Variants in PRRC2B observed in about 807,000 individuals in gnomAD.
PRRC2B encodes the protein proline rich coiled-coil 2B.
In PRRC2B, 68 loss-of-function variants were observed where a neutral mutation model predicts 242.3. That is an observed-to-expected ratio of 0.28 (90% CI 0.23 to 0.34). The LOEUF (loss-of-function observed/expected upper bound fraction) is 0.34, where lower values mean the gene tolerates loss of function less well. Ranked by LOEUF, PRRC2B falls within the 10% of genes least tolerant of loss-of-function variation. The pLI is 1.00. For missense variants in PRRC2B, 2,835 were observed against 2,954.8 expected (o/e 0.96, Z 0.94); for synonymous variants, 1,228 against 1,173.6 (o/e 1.05, Z -0.95).
intron 5 of PRRC2B, among the ~76,000 whole-genome samples, chr9:131,440,401 T>C (rs2131340945): frequency 6.6e-6 from 1 of 152,224 alleles, no homozygotes; most frequent in African/African-American, 2.4e-5. Flanking sequence ...TCCATAAGGT[T>C]AGAATTTTTA....
intron 30 of PRRC2B, among the ~76,000 whole-genome samples, chr9:131,493,657 T>C (rs1944254674): frequency 6.6e-6 from 1 of 152,244 alleles, no homozygotes; most frequent in African/African-American, 2.4e-5. Flanking sequence ...GAAATTGCTA[T>C]AATTGTATAA....
At chr9:131,381,417 C>CT (rs34806343) in intron 1 of PRRC2B, among the ~76,000 whole-genome samples, 90 of 102,420 alleles carry the variant, frequency 8.8e-4, no homozygotes, top group Middle Eastern at 4.9e-3. Flanking sequence ...AGTTCTGGTT[C>CT]TTTTTTTTTT....
At position 131,487,921 on chromosome 9, in the gene PRRC2B, C is replaced by G; in HGVS notation, c.6050C>G (p.Ala2017Gly). 6.2e-7 allele frequency: 1 copy of G among 1,613,982 alleles called. No homozygotes were observed. Among genetic ancestry groups the G allele is most frequent in the Non-Finnish European group, 8.5e-7 (1 of 1,179,858 alleles). ...PSTMILSGGT[A>G]LKPPYSAFPG... Reference sequence around the variant, plus strand: ...ACCATGATCCTCTCTGGGGGCACAGCCTTGAAGCCTCCATACTCGGCGTTC... The same window carrying G: ...ACCATGATCCTCTCTGGGGGCACAGGCTTGAAGCCTCCATACTCGGCGTTC... The change falls in exon 28 of 32, where the codon GCC (alanine) becomes GGC (glycine). Residue 2017 changes from alanine (A) to glycine (G), a missense_variant. By Grantham distance (60) the Ala-to-Gly change is moderately conservative. Coordinates refer to ENST00000683519, the MANE Select transcript of PRRC2B (RefSeq NM_013318.4). This position sits in a 1 kb window ranked among gnomAD's most constrained non-coding sequence, Gnocchi z 5.3.
Position 131,455,078 on chromosome 9 carries a change from C to T in PRRC2B, c.1123C>T (p.Leu375Phe). ...DADADDGWAG[L>F]HEEVDYSEKL... The stretch of plus-strand genomic sequence containing the variant: ...CCTGGGCCCTCCTGCTGTTGTAGGC[C>T]TCCATGAAGAAGTGGACTATTCTGA... The change falls in exon 10 of 32, where the codon CTC (leucine) becomes TTC (phenylalanine). Residue 375 changes from leucine (L) to phenylalanine (F), a missense_variant and splice_region_variant. Physicochemically the swap from Leu to Phe is conservative, Grantham distance 22 (BLOSUM62 0). Around this residue, in one of 7 missense-constraint regions of PRRC2B, gnomAD observed 626 missense variants for 685.5 expected, o/e 0.91. Transcript: ENST00000683519. 1 of 1,612,212 alleles carries T rather than the reference C, an allele frequency of 6.2e-7. No homozygotes were observed. The highest frequency in any genetic ancestry group is 8.5e-7 in the Non-Finnish European group (1 of 1,178,670).
At position 131,491,514 on chromosome 9, in the gene PRRC2B, C is replaced by G. The variant is rs183938437; in HGVS notation, c.6315C>G (p.Ser2105=). The change falls in exon 29 of 32, where the codon TCC becomes TCG. Residue 2105 remains serine (S), a synonymous_variant. Transcript: ENST00000683519. ...SIQLPPGQSL[S]VGAPRRIPPP... The stretch of plus-strand genomic sequence containing the variant: ...AGCTGCCACCTGGGCAGAGCCTCTC[C>G]GTTGGGGCCCCCCGAAGGATTCCTC... The G allele has an allele frequency of 6.2e-7, 1 of 1,612,490 alleles. No individual in the cohort carries two copies. The highest frequency in any genetic ancestry group is 8.5e-7 in the Non-Finnish European group (1 of 1,179,626).
Position 131,384,083 on chromosome 9 carries a change from ATTT to A in PRRC2B, c.-56+10373_-56+10375del, listed in dbSNP as rs111724850. ...CAGGCACGTACCACCATACCCGGCT[ATTT>A]TTTTTTTTTTTTTTTTTTTTGGAGA... On this transcript the variant is annotated intron_variant, in intron 1 of 1. Coordinates refer to the PRRC2B transcript ENST00000682525. 2.4e-4 allele frequency among the ~76,000 whole-genome samples: 14 copies of A among 58,988 alleles called. 1 individual carries two copies. The highest frequency in any genetic ancestry group is 7.3e-4 in the Admixed American group (3 of 4,134). 38.7% of individuals were successfully genotyped at this position (58,988 alleles called of 152,430 possible). A position where few individuals can be genotyped will look rare whatever the true frequency, so the allele number is the denominator to read the frequency against.
At position 131,475,854 on chromosome 9, in the gene PRRC2B, C is replaced by A; in HGVS notation, c.3725C>A (p.Ser1242Tyr). 6.2e-7 allele frequency: 1 copy of A among 1,613,712 alleles called. No homozygotes were observed. The highest frequency in any genetic ancestry group is 8.5e-7 in the Non-Finnish European group (1 of 1,179,690). Reference sequence around the variant, plus strand: ...AGCTCTTGGCAGGAATATGGCCCTTCCGACACATGCGGATCCCGGCGACCT... The same window carrying A: ...AGCTCTTGGCAGGAATATGGCCCTTACGACACATGCGGATCCCGGCGACCT... ...PGSSWQEYGPSDTCGSRRPTD... is the reference protein window; with the variant it reads ...PGSSWQEYGPYDTCGSRRPTD... Residue 1242 changes from serine to tyrosine, a missense_variant, in exon 16 of 32, where the codon TCC (serine) becomes TAC (tyrosine). This residue lies in a region of PRRC2B where 1,536 missense variants were observed against 1,483.1 expected (regional missense o/e 1.04). Coordinates refer to ENST00000683519, the MANE Select transcript of PRRC2B (RefSeq NM_013318.4).
chr9:131,375,428 G>A (rs1836672008), intron 1 of PRRC2B, among the ~76,000 whole-genome samples: 1 of 151,830 alleles, frequency 6.6e-6, no homozygotes. Flanking sequence ...AAAAAATAAG[G>A]GCATTAACAG....
chr9:131,447,319 T>C, intron 8 of PRRC2B, 113 bp downstream of exon 8: 1 of 1,354,148 alleles, frequency 7.4e-7, no homozygotes, highest in Non-Finnish European at 1.0e-6. Flanking sequence ...CACAGAGAAC[T>C]TAACCAGCTC....
rs901820379 is a variant in PRRC2B, at chr9:131,479,354, A to T, written c.4861A>T (p.Ser1621Cys). 6.2e-7 allele frequency: 1 copy of T among 1,613,812 alleles called. No homozygotes were observed. The highest frequency in any genetic ancestry group is 8.5e-7 in the Non-Finnish European group (1 of 1,179,864). The change falls in exon 19 of 32, where the codon AGC becomes TGC. Residue 1621 changes from serine to cysteine, a missense_variant. Around this residue, in one of 7 missense-constraint regions of PRRC2B, gnomAD observed 1,536 missense variants for 1,483.1 expected, o/e 1.04. Transcript: ENST00000683519. The part of the protein sequence containing the change: ...LEQGDVTVPG[S>C]SLGTEIWESS... ...GCAAGGTGACGTGACCGTGCCTGGC[A>T]GCAGCCTGGGCACTGAGATCTGGGA...
chr9:131,438,924 A>G (rs1025186477), intron 4 of PRRC2B, 65 bp from the exon 5 acceptor site: 1 of 1,284,536 alleles, frequency 7.8e-7, no homozygotes, highest in African/African-American at 1.5e-5. Flanking sequence ...CCTTGTTGTA[A>G]TAGGCTGTTA....
upstream of PRRC2B, among the ~76,000 whole-genome samples, chr9:131,390,265 G>A (rs375266150): frequency 1.5e-4 from 23 of 149,978 alleles, 2 homozygotes; most frequent in East Asian, 4.4e-3. Context: ...TCAACAGCAT[G>A]GCCCCAGAGC....
rs1028382094 is a variant in PRRC2B at position 131,387,104 on chromosome 9, C to G, written c.-56+13373C>G. On this transcript the variant is annotated intron_variant, in intron 1 of 1. Transcript: ENST00000682525. ...GCCACCTCAGCCTTCCGGGTTCAAG[C>G]GATTCTTCTGCCTCATCCTCCCAAG... Among the ~76,000 whole-genome samples the G allele has an allele frequency of 2.8e-4, 42 of 150,050 alleles. 1 individual carries two copies. Among genetic ancestry groups the G allele is most frequent in the Non-Finnish European group, 3.0e-4 (20 of 67,542 alleles).
intron 1 of PRRC2B, among the ~76,000 whole-genome samples, chr9:131,410,818 T>A (rs760189291): frequency 6.6e-6 from 1 of 152,218 alleles, no homozygotes; most frequent in African/African-American, 2.4e-5. Flanking sequence ...TCCCTAGCTC[T>A]CTTTAGGCTT....
At chr9:131,465,722 G>A (rs1476375279) in intron 12 of PRRC2B, among the ~76,000 whole-genome samples, 1 of 152,148 alleles carries the variant, frequency 6.6e-6, no homozygotes, top group African/African-American at 2.4e-5. Flanking sequence ...TAAAAGGAAT[G>A]GATCACATGG....
At position 131,475,534 on chromosome 9, in the gene PRRC2B, T is replaced by C. The variant is rs373782819; in HGVS notation, c.3405T>C (p.His1135=). 7.4e-6 allele frequency: 12 copies of C among 1,612,088 alleles called. No individual in the cohort carries two copies. The African/African-American group carries it at 1.6e-4, about 22-fold the overall frequency. ...KPRRRVASET[H]SEGSEYEELP... ...GACGGAGAGTTGCCAGTGAGACCCA[T>C]AGCGAGGGCTCAGAGTATGAAGAAC... The change falls in exon 16 of 32, where the codon CAT becomes CAC. Residue 1135 remains histidine (H), a synonymous_variant. Coordinates refer to ENST00000683519, the MANE Select transcript of PRRC2B (RefSeq NM_013318.4).
intron 1 of PRRC2B, among the ~76,000 whole-genome samples, chr9:131,410,755 C>T (rs949534731): frequency 6.6e-6 from 1 of 152,082 alleles, no homozygotes; most frequent in Admixed American, 6.6e-5. Context: ...CCTCACCTGA[C>T]TGGAGGAGCT....
intron 12 of PRRC2B, 79 bp downstream of exon 12, chr9:131,465,157 T>C: frequency 3.7e-6 from 5 of 1,369,002 alleles, no homozygotes; most frequent in African/African-American, 2.9e-5. Flanking sequence ...CTGCCTTCCT[T>C]CTTAGCTAGC....
chr9:131,497,754 C>T lies in PRRC2B; in HGVS notation c.*1880C>T, dbSNP rs550849732. The stretch of plus-strand genomic sequence containing the variant: ...TCAGCAGCTCCCCTCCTGCCCTCAC[C>T]TGGTCTTTTCCCTCTTTATCCCAAG... On this transcript the variant is annotated 3_prime_UTR_variant, in exon 32 of 32. Transcript: ENST00000683519. 8 of 152,344 alleles carry T rather than the reference C, an allele frequency of 5.3e-5. No individual in the cohort carries two copies. The highest frequency in any genetic ancestry group is 1.2e-4 in the Non-Finnish European group (8 of 68,132). 9.4% of individuals were successfully genotyped at this position (152,344 alleles called of 1,614,324 possible).
Sources: gnomAD v4.1 joint callset for allele counts (sites outside exome capture counted in the v4.1 genomes callset) on GRCh38, gnomAD v4.1.1 for gene constraint, gnomAD v4.1.1 regional missense constraint, Gnocchi (gnomAD v3.1) non-coding constraint, MANE v1.5 for transcripts, NCBI Gene and HGNC (gene_info 2026-07-23, HGNC 2026-07-21) for gene names.